PCNX2: variants seen among roughly 807,000 people sequenced by gnomAD.
PCNX2 encodes the protein pecanex-like protein 2.
A neutral mutation model predicts 223.8 loss-of-function variants in PCNX2; 168 were observed. The ratio of observed to expected loss-of-function variants is 0.75; its 90% CI spans 0.66 to 0.85. The LOEUF is 0.85. Among genes scored for constraint, PCNX2 ranks in the 40% least tolerant of loss-of-function variants. The pLI is 0.00. For missense variants in PCNX2, 2,507 were observed against 2,675.5 expected, an observed-to-expected ratio of 0.94 and a Z score of 1.39; for synonymous variants, 1,006 against 1,052.6, an observed-to-expected ratio of 0.96 and a Z score of 0.86.
chr1:233,040,214 T>A (rs371814533), intron 25 of PCNX2, among the ~76,000 whole-genome samples: 5 of 152,302 alleles, frequency 3.3e-5, no homozygotes, highest in African/African-American at 1.2e-4. Context: ...AAAACAGATC[T>A]CACCATGAGA....
chr1:233,016,955 T>C lies in PCNX2; in HGVS notation c.4805A>G (p.Glu1602Gly). 1 of 1,613,116 alleles carries C rather than the reference T, an allele frequency of 6.2e-7. No homozygotes were observed. The highest frequency in any genetic ancestry group is 8.5e-7 in the Non-Finnish European group (1 of 1,179,106). The change falls in exon 27 of 34, where the codon GAA becomes GGA. Residue 1602 changes from glutamate to glycine, a missense_variant. Transcript: ENST00000258229. ...TRASFCNVYL[E>G]WIQHCARKRQ... is the part of the protein sequence containing the mutation. ...TTTCCGTGCACAGTGTTGAATCCAT[T>C]CTAGATAAACATTGCAGAAGCTAGC...
At chr1:233,277,024 G>A (rs1185856072) in intron 1 of PCNX2, among the ~76,000 whole-genome samples, 2 of 152,254 alleles carry the variant, frequency 1.3e-5, no homozygotes, top group Non-Finnish European at 2.9e-5. Context: ...CTTGAGCAGT[G>A]AAGGTGAACT....
At chr1:233,131,216 G>A (rs1334737289) in intron 21 of PCNX2, among the ~76,000 whole-genome samples, 1 of 152,072 alleles carries the variant, frequency 6.6e-6, no homozygotes, top group Non-Finnish European at 1.5e-5. Flanking sequence ...GACATCTGCA[G>A]TGGTCAGAGG....
intron 1 of PCNX2, among the ~76,000 whole-genome samples, chr1:233,273,444 A>G (rs1352867068): frequency 6.6e-6 from 1 of 152,054 alleles, no homozygotes; most frequent in Non-Finnish European, 1.5e-5. Context: ...TCTCTTGCCC[A>G]GTCTGCTAGT....
intron 8 of PCNX2, among the ~76,000 whole-genome samples, chr1:233,247,902 A>T (rs1206000387): frequency 1.4e-5 from 2 of 145,268 alleles, no homozygotes; most frequent in Non-Finnish European, 3.0e-5. Context: ...AAAAGTGCTG[A>T]GATTGCAGGT....
At chr1:233,003,879 A>G (rs1670182354) in intron 28 of PCNX2, among the ~76,000 whole-genome samples, 1 of 152,182 alleles carries the variant, frequency 6.6e-6, no homozygotes, top group East Asian at 1.9e-4. Flanking sequence ...GGAAACCATC[A>G]TTCTCAACAA....
chr1:232,998,222 G>A (rs774451814), intron 32 of PCNX2, 29 bp downstream of exon 32: 126 of 1,499,498 alleles, frequency 8.4e-5, no homozygotes, highest in Non-Finnish European at 1.1e-4. Context: ...GGACTTCATC[G>A]ATAGTTTGGA....
intron 19 of PCNX2, among the ~76,000 whole-genome samples, chr1:233,156,095 T>TAATTCA (rs1678105122): frequency 6.6e-6 from 1 of 152,204 alleles, no homozygotes; most frequent in Non-Finnish European, 1.5e-5. Flanking sequence ...TTTACTCTCC[T>TAATTCA]AATTCAAATA....
At chr1:233,160,812 G>A (rs900327256) in intron 18 of PCNX2, among the ~76,000 whole-genome samples, 1 of 152,130 alleles carries the variant, frequency 6.6e-6, no homozygotes, top group Non-Finnish European at 1.5e-5. Context: ...TGTCTGGAAG[G>A]ACCACAGCCA....
In PCNX2 at chr1:233,039,518, T is replaced by C. The variant is rs144637988; in HGVS notation, c.4352-14119A>G. The stretch of plus-strand genomic sequence containing the variant: ...GCATGTAATTGGTGTTCAAGAAACT[T>C]GCAACTGTCTACCTTCTAATCCAAC... On this transcript the variant is annotated intron_variant, in intron 25 of 33. Coordinates refer to ENST00000258229, the MANE Select transcript of PCNX2 (RefSeq NM_014801.4). 6.6e-5 allele frequency among the ~76,000 whole-genome samples: 10 copies of C among 152,324 alleles called. No homozygotes were observed. The East Asian group carries it at 1.7e-3, about 26-fold the overall frequency.
rs534799671 is a variant in PCNX2 at position 233,049,784 on chromosome 1, C to A, written c.4351+4484G>T. On this transcript the variant is annotated intron_variant, in intron 25 of 33. Coordinates refer to ENST00000258229, the MANE Select transcript of PCNX2 (RefSeq NM_014801.4). The stretch of plus-strand genomic sequence containing the variant: ...AGTTTCAGGATACAAAATCAATGTA[C>A]AAAACTTAGTAGCATTCCTACACAC... Among the ~76,000 whole-genome samples, 4 of 151,982 alleles carry A rather than the reference C, an allele frequency of 2.6e-5. No homozygotes were observed. In the South Asian group the frequency reaches 8.3e-4, roughly 32 times the overall value.
intron 33 of PCNX2, chr1:232,985,492 C>T (rs1483394473): frequency 6.3e-6 from 1 of 159,344 alleles, no homozygotes; most frequent in Non-Finnish European, 1.4e-5. Flanking sequence ...CATAGGAGCA[C>T]TGCTGGGTAT....
At chr1:233,016,829 T>C (rs1286160879) in intron 27 of PCNX2, 92 bp downstream of exon 27, 1 of 1,506,736 alleles carries the variant, frequency 6.6e-7, no homozygotes, top group Non-Finnish European at 8.9e-7. Context: ...GTTAAAAGTC[T>C]ACCATAGAAT....
intron 13 of PCNX2, among the ~76,000 whole-genome samples, 195 bp from the exon 14 acceptor site, chr1:233,200,459 G>T (rs12064929): frequency 1.4e-5 from 2 of 141,966 alleles, no homozygotes; most frequent in Non-Finnish European, 3.0e-5. Flanking sequence ...GCGCGATCTC[G>T]GCTCACTGCA....
chr1:233,149,902 A>T (rs1470163262), intron 19 of PCNX2, among the ~76,000 whole-genome samples: 1 of 151,608 alleles, frequency 6.6e-6, no homozygotes, highest in Admixed American at 6.6e-5. Flanking sequence ...ATATATATAA[A>T]TTTTTTTCTA....
At chr1:233,296,000 TTC>T (rs1491029490), upstream of PCNX2, among the ~76,000 whole-genome samples, 140 of 145,532 alleles carry the variant, frequency 9.6e-4, 5 homozygotes, top group Non-Finnish European at 1.7e-3. This position sits in a 1 kb window ranked among gnomAD's most constrained non-coding sequence, Gnocchi z 4.1. Context: ...CTTTCTTTCT[TTC>T]TTTTTTTTTT....
At chr1:233,005,196 T>C (rs1297929785) in intron 28 of PCNX2, among the ~76,000 whole-genome samples, 1 of 152,222 alleles carries the variant, frequency 6.6e-6, no homozygotes, top group East Asian at 1.9e-4. Context: ...CGGAGGGTCA[T>C]GATACTTGCT....
intron 23 of PCNX2, among the ~76,000 whole-genome samples, chr1:233,086,384 G>A (rs1673600103): frequency 6.6e-6 from 1 of 152,176 alleles, no homozygotes; most frequent in African/African-American, 2.4e-5. Context: ...CCAGCCGGGT[G>A]CAGTGGCTCA....
chr1:233,263,286 A>AT, intron 1 of PCNX2, 123 bp from the exon 2 acceptor site: 3 of 846,438 alleles, frequency 3.5e-6, no homozygotes, highest in Non-Finnish European at 5.1e-6. Flanking sequence ...AATTAGACTA[A>AT]TTTTTTAAGT....
Sources: allele counts gnomAD v4.1 joint callset (sites outside exome capture counted in the v4.1 genomes callset), GRCh38; gene constraint gnomAD v4.1.1; non-coding constraint Gnocchi (gnomAD v3.1); transcripts MANE v1.5; gene names NCBI Gene and HGNC (gene_info 2026-07-23, HGNC 2026-07-21).